The following LSAMP variants were observed in gnomAD, a reference collection of about 807,000 sequenced individuals.
LSAMP encodes the protein limbic system-associated membrane protein.
A neutral mutation model predicts 38.6 loss-of-function variants in LSAMP; 7 were observed. That is an observed-to-expected ratio of 0.18 (90% CI 0.10 to 0.34). LSAMP has a LOEUF of 0.34. Ranked by LOEUF, LSAMP falls within the 10% of genes least tolerant of loss-of-function variation. LSAMP has a pLI of 1.00. For missense variants in LSAMP, 313 were observed against 420.0 expected, an observed-to-expected ratio of 0.75 and a Z score of 2.23; for synonymous variants, 154 against 166.8, an observed-to-expected ratio of 0.92 and a Z score of 0.59.
At chr3:116,206,240 A>G (rs1156753268) in intron 1 of LSAMP, among the ~76,000 whole-genome samples, 69 of 148,738 alleles carry the variant, frequency 4.6e-4, no homozygotes, top group African/African-American at 9.2e-4. Context: ...CTGTGGGATC[A>G]GTGGTGATAT....
intron 2 of LSAMP, among the ~76,000 whole-genome samples, chr3:116,059,831 T>C (rs548822102): frequency 6.6e-6 from 1 of 152,306 alleles, no homozygotes; most frequent in East Asian, 1.9e-4. Context: ...ATGTGAGTGC[T>C]TGTCTGAGTC....
chr3:116,225,331 C>T (rs188966803), intron 1 of LSAMP, among the ~76,000 whole-genome samples: 111 of 152,200 alleles, frequency 7.3e-4, no homozygotes, highest in African/African-American at 2.6e-3. Context: ...AGGTATACTG[C>T]CGCAAGCCAA....
intron 1 of LSAMP, among the ~76,000 whole-genome samples, chr3:116,098,053 A>G (rs563773434): frequency 4.8e-4 from 73 of 152,178 alleles, no homozygotes; most frequent in Middle Eastern, 3.4e-3. Flanking sequence ...TTATTTTTGA[A>G]ATATATTTTG....
chr3:116,257,243 AAATGGAGTATGCCC>A (rs1469659304), intron 1 of LSAMP, among the ~76,000 whole-genome samples: 2 of 152,212 alleles, frequency 1.3e-5, no homozygotes, highest in African/African-American at 4.8e-5. Context: ...ACACATTTAC[AAATGGAGTATGCCC>A]AATCTGTGCA....
chr3:116,421,875 T>C lies in LSAMP; in HGVS notation c.155+23002A>G, dbSNP rs2049133385. On this transcript the variant is annotated intron_variant, in intron 1 of 6. Coordinates refer to ENST00000490035, the MANE Select transcript of LSAMP (RefSeq NM_002338.5). ...TTATTTTGGAAAACAATATGGCAGT[T>C]TCTTAAAAAGTTAAAAGATTTACCA... 2.6e-5 allele frequency among the ~76,000 whole-genome samples: 4 copies of C among 152,184 alleles called. 1 individual carries two copies. The South Asian group carries it at 6.2e-4, about 24-fold the overall frequency.
At chr3:116,228,772 T>C (rs1326155121) in intron 1 of LSAMP, among the ~76,000 whole-genome samples, 1 of 152,114 alleles carries the variant, frequency 6.6e-6, no homozygotes. Context: ...ATAAGAAAAC[T>C]AGCCCGGGCT....
At chr3:115,925,801 A>G (rs532625692) in intron 3 of LSAMP, among the ~76,000 whole-genome samples, 7 of 152,334 alleles carry the variant, frequency 4.6e-5, no homozygotes, top group African/African-American at 1.7e-4. Context: ...AATATTATTT[A>G]TTAATGCATA....
At chr3:115,968,151 A>C (rs1017744740) in intron 3 of LSAMP, among the ~76,000 whole-genome samples, 1 of 152,058 alleles carries the variant, frequency 6.6e-6, no homozygotes, top group Non-Finnish European at 1.5e-5. Context: ...CATGTCCTGG[A>C]ATAAGGAACC....
intron 1 of LSAMP, among the ~76,000 whole-genome samples, chr3:116,405,234 A>T (rs2048884994): frequency 6.6e-6 from 1 of 152,160 alleles, no homozygotes; most frequent in Non-Finnish European, 1.5e-5. Context: ...TCTGGGTTGC[A>T]GTTTGGGGGT....
At position 116,445,007 on chromosome 3, in the gene LSAMP, G is replaced by T; in HGVS notation, c.25C>A (p.Arg9=). 1 of 1,613,912 alleles carries T rather than the reference G, an allele frequency of 6.2e-7. No individual in the cohort carries two copies. Among genetic ancestry groups the T allele is most frequent in the Non-Finnish European group, 8.5e-7 (1 of 1,179,908 alleles). The stretch of plus-strand genomic sequence containing the variant: ...AGTAGGACCAGTGGCAACTGTTTCC[G>T]ATCCGGCTGAACTCTCCTGACCATG... The part of the protein sequence containing the change: MVRRVQPD[R]KQLPLVLLRL... The change falls in exon 1 of 7, where the codon CGG becomes AGG. Residue 9 remains arginine, a synonymous_variant. Coordinates refer to ENST00000490035, the MANE Select transcript of LSAMP (RefSeq NM_002338.5).
chr3:116,331,542 C>T (rs910146281), intron 1 of LSAMP, among the ~76,000 whole-genome samples: 1 of 152,048 alleles, frequency 6.6e-6, no homozygotes, highest in African/African-American at 2.4e-5. Context: ...AGATTAAAAG[C>T]AGATTCACAT....
rs143416096 is a variant in LSAMP at position 116,297,418 on chromosome 3, A to G, written c.155+147459T>C. Among the ~76,000 whole-genome samples the G allele has an allele frequency of 8.5e-5, 13 of 152,306 alleles. No homozygotes were observed. In the South Asian group the frequency reaches 1.0e-3, roughly 12 times the overall value. On this transcript the variant is annotated intron_variant, in intron 1 of 6. Transcript: ENST00000490035. The stretch of plus-strand genomic sequence containing the variant: ...ATGACATCACCTTGTCTTCTAAAGA[A>G]AATACTGTATGATTATTTAAAAACA...
intron 3 of LSAMP, among the ~76,000 whole-genome samples, chr3:115,870,866 G>C (rs977150599): frequency 6.6e-6 from 1 of 152,164 alleles, no homozygotes; most frequent in Admixed American, 6.6e-5. Flanking sequence ...CCTTATACTT[G>C]TTTCTTTCTA....
intron 1 of LSAMP, among the ~76,000 whole-genome samples, chr3:116,200,085 T>C (rs1188552196): frequency 8.8e-6 from 1 of 113,262 alleles, no homozygotes; most frequent in African/African-American, 3.3e-5. Flanking sequence ...TGTTTTTCAG[T>C]CTTACTTTAC....
intron 1 of LSAMP, among the ~76,000 whole-genome samples, chr3:116,301,477 A>G (rs79709283): frequency 0.096 from 14,562 of 152,304 alleles, 824 homozygotes; most frequent in Middle Eastern, 0.16. Flanking sequence ...TAGCAATAAC[A>G]TGTTTTAATG....
chr3:116,242,541 C>T (rs377012762), intron 1 of LSAMP, among the ~76,000 whole-genome samples: 15 of 152,174 alleles, frequency 9.9e-5, no homozygotes, highest in African/African-American at 3.1e-4. Context: ...TTTTCTTTTC[C>T]GGGTCCCCTG....
chr3:116,129,504 A>T (rs1709078859), intron 1 of LSAMP, among the ~76,000 whole-genome samples: 1 of 152,254 alleles, frequency 6.6e-6, no homozygotes, highest in Non-Finnish European at 1.5e-5. Flanking sequence ...ATCTGGCCAC[A>T]AAACACACCA....
rs372666664 is a variant in LSAMP, at chr3:115,916,357, G to A, written c.515-63740C>T. The stretch of plus-strand genomic sequence containing the variant: ...ACATGAAATTCAACACATATGAAAC[G>A]TACAATAAGCAGATAGAAATTTAAT... On this transcript the variant is annotated intron_variant, in intron 3 of 6. Transcript: ENST00000490035. Among the ~76,000 whole-genome samples, 156 of 152,242 alleles carry A rather than the reference G, an allele frequency of 1.0e-3. 1 individual carries two copies. The highest frequency in any genetic ancestry group is 3.7e-3 in the African/African-American group (152 of 41,550).
chr3:115,888,774 T>C (rs867396928), intron 3 of LSAMP, among the ~76,000 whole-genome samples: 2 of 151,932 alleles, frequency 1.3e-5, no homozygotes, highest in Admixed American at 6.6e-5. Context: ...ACTATCCTGA[T>C]CTCAGACTGT....
Sources: allele counts gnomAD v4.1 joint callset (sites outside exome capture counted in the v4.1 genomes callset), GRCh38; gene constraint gnomAD v4.1.1; transcripts MANE v1.5; gene names NCBI Gene and HGNC (gene_info 2026-07-23, HGNC 2026-07-21).